Variants in SYTL2 observed in about 807,000 individuals in gnomAD.
SYTL2 encodes the protein synaptotagmin-like protein 2.
A neutral mutation model predicts 198.7 loss-of-function variants in SYTL2; 165 were observed. The observed-to-expected ratio is 0.83, with a 90% CI of 0.73 to 0.94. The LOEUF (loss-of-function observed/expected upper bound fraction) is 0.94. SYTL2 is among the 40% of genes least tolerant of loss of function. The pLI is 0.00. For missense variants in SYTL2, 2,835 were observed against 2,582.8 expected (o/e 1.10, Z -2.12); for synonymous variants, 966 against 917.7 (o/e 1.05, Z -0.95).
intron 16 of SYTL2, 100 bp from the exon 17 acceptor site, chr11:85,700,693 C>T (rs761853294): frequency 1.2e-6 from 1 of 863,668 alleles, no homozygotes; most frequent in Non-Finnish European, 2.0e-6. Context: ...ATTTCTGGGA[C>T]CATGTGTCAC....
At chr11:85,717,623 G>C (rs375426756) in intron 10 of SYTL2, 93 bp from the exon 11 acceptor site, 2 of 1,024,408 alleles carry the variant, frequency 2.0e-6, no homozygotes, top group Non-Finnish European at 3.1e-6. Context: ...TTTCACAACT[G>C]AGACAGCAGA....
chr11:85,733,590 T>TG (rs1555240222), intron 7 of SYTL2: 1 of 97,250 alleles, frequency 1.0e-5, no homozygotes, highest in African/African-American at 4.5e-5. Flanking sequence ...AGTTTTTTTT[T>TG]TTTGTTTTTT....
In SYTL2 at chr11:85,714,450, C is replaced by T; in HGVS notation, c.5588G>A (p.Arg1863Lys). The change falls in exon 12 of 20, where the codon AGG becomes AAG. Residue 1863 changes from arginine to lysine, a missense_variant. By Grantham distance (26) the Arg-to-Lys change is conservative. This residue lies in a region of SYTL2 where 2,645 missense variants were observed against 2,381.7 expected (regional missense o/e 1.11). Transcript: ENST00000359152. ...AAATGCTGGAACAGACTTGCTCATC[C>T]TTTTGAGTTTGTCAGGGTGAGAAAA... is the stretch of plus-strand genomic sequence containing the variant. ...NPFSHPDKLK[R>K]MSKSVPAFLQ... The T allele has an allele frequency of 6.2e-7, 1 of 1,613,860 alleles. No homozygotes were observed. Among genetic ancestry groups the T allele is most frequent in the Non-Finnish European group, 8.5e-7 (1 of 1,179,758 alleles).
rs576145411 is a variant in SYTL2 at position 85,808,169 on chromosome 11, A to G, written c.-390+2785T>C. ...GCAACCTCCGCCTCCCGGGTTCAAG[A>G]GATTCTCCTGCCTTAGCCTCCTGAG... On this transcript the variant is annotated intron_variant, in intron 1 of 19. Transcript: ENST00000359152. 9.9e-4 allele frequency among the ~76,000 whole-genome samples: 150 copies of G among 152,030 alleles called. 1 individual carries two copies. The highest frequency in any genetic ancestry group is 3.4e-3 in the African/African-American group (143 of 41,488).
At chr11:85,736,658 G>T in intron 5 of SYTL2, 43 bp from the exon 6 acceptor site, 1 of 1,082,650 alleles carries the variant, frequency 9.2e-7, no homozygotes, top group South Asian at 1.3e-5. Context: ...TAAATGTCAT[G>T]ACAGCAACTC....
At chr11:85,798,886 T>C (rs1204569097) in intron 1 of SYTL2, among the ~76,000 whole-genome samples, 1 of 152,192 alleles carries the variant, frequency 6.6e-6, no homozygotes, top group Non-Finnish European at 1.5e-5. Flanking sequence ...ATAAACCATA[T>C]TGCTTGCACA....
At chr11:85,768,455 C>T (rs531101998) in intron 1 of SYTL2, among the ~76,000 whole-genome samples, 1 of 152,238 alleles carries the variant, frequency 6.6e-6, no homozygotes, top group East Asian at 1.9e-4. Flanking sequence ...AACAGATCTA[C>T]CTTACAGGGT....
chr11:85,778,618 C>A (rs1026959300), intron 1 of SYTL2, among the ~76,000 whole-genome samples: 3 of 152,224 alleles, frequency 2.0e-5, no homozygotes, highest in African/African-American at 7.2e-5. Flanking sequence ...TATCCTTGAG[C>A]AAGTGCCTAA....
intron 7 of SYTL2, among the ~76,000 whole-genome samples, chr11:85,729,334 T>C (rs1350227381): frequency 6.6e-6 from 1 of 152,136 alleles, no homozygotes; most frequent in African/African-American, 2.4e-5. Context: ...GACCACATAA[T>C]TGGAAGTAAA....
At chr11:85,779,059 A>T (rs1217912605) in intron 1 of SYTL2, among the ~76,000 whole-genome samples, 1 of 152,106 alleles carries the variant, frequency 6.6e-6, no homozygotes, top group Admixed American at 6.6e-5. Flanking sequence ...TATATTATAT[A>T]ACATATACAT....
At chr11:85,729,972 C>A (rs1024437493) in intron 7 of SYTL2, among the ~76,000 whole-genome samples, 1 of 152,182 alleles carries the variant, frequency 6.6e-6, no homozygotes, top group Non-Finnish European at 1.5e-5. Context: ...CACTTCTATG[C>A]AAACAAACTA....
intron 1 of SYTL2, among the ~76,000 whole-genome samples, chr11:85,766,816 T>A (rs528046848): frequency 3.3e-5 from 5 of 152,336 alleles, no homozygotes; most frequent in African/African-American, 1.2e-4. Context: ...GGATTTAATG[T>A]ACTCTTGGGG....
At chr11:85,718,952 C>T (rs1342318054) in intron 9 of SYTL2, 109 bp from the exon 10 acceptor site, 6 of 1,547,078 alleles carry the variant, frequency 3.9e-6, no homozygotes, top group Non-Finnish European at 5.2e-6. Context: ...AGTCAAGATG[C>T]AATGAGGGGT....
At chr11:85,784,450 AT>A (rs2092606786) in intron 1 of SYTL2, among the ~76,000 whole-genome samples, 1 of 152,226 alleles carries the variant, frequency 6.6e-6, no homozygotes. Context: ...AAGAAAAAAA[AT>A]CCCATCTAAA....
the SYTL2 span, among the ~76,000 whole-genome samples, chr11:85,842,452 G>A: frequency 6.6e-6 from 1 of 152,178 alleles, no homozygotes; most frequent in Non-Finnish European, 1.5e-5. Context: ...ATTTTCTCCT[G>A]TCTCCCAGGG....
chr11:85,715,707 TAAAATGACAC>T (rs1157065193), intron 11 of SYTL2, among the ~76,000 whole-genome samples: 2 of 152,192 alleles, frequency 1.3e-5, no homozygotes, highest in African/African-American at 4.8e-5. Context: ...GGTGTCTCAC[TAAAATGACAC>T]CTACTTTAAT....
chr11:85,826,429 CAG>C, the SYTL2 span, among the ~76,000 whole-genome samples: 1 of 152,216 alleles, frequency 6.6e-6, no homozygotes, highest in African/African-American at 2.4e-5. Context: ...TCCATCTGTG[CAG>C]AGACAGTCTG....
At chr11:85,698,145 T>A in intron 17 of SYTL2, 67 bp from the exon 18 acceptor site, 1 of 1,055,420 alleles carries the variant, frequency 9.5e-7, no homozygotes, top group South Asian at 1.3e-5. Flanking sequence ...CGTCCAAAGA[T>A]GTCAGCCTAA....
chr11:85,791,615 C>G (rs2092732010), intron 1 of SYTL2, among the ~76,000 whole-genome samples: 1 of 152,136 alleles, frequency 6.6e-6, no homozygotes, highest in African/African-American at 2.4e-5. Context: ...CATCTGTTCC[C>G]TTTTGTACTA....
Sources: gnomAD v4.1 joint callset for allele counts (sites outside exome capture counted in the v4.1 genomes callset) on GRCh38, gnomAD v4.1.1 for gene constraint, gnomAD v4.1.1 regional missense constraint, MANE v1.5 for transcripts, NCBI Gene and HGNC (gene_info 2026-07-23, HGNC 2026-07-21) for gene names.